Variants in BCL7C observed in about 807,000 individuals in gnomAD.
BCL7C encodes BAF chromatin remodeling complex subunit BCL7C, also known as B-cell CLL/lymphoma 7 protein family member C.
A neutral mutation model predicts 26.2 loss-of-function variants in BCL7C; 8 were observed. The observed-to-expected ratio is 0.30, with a 90% CI of 0.18 to 0.55. BCL7C has a LOEUF of 0.55. Among genes scored for constraint, BCL7C ranks in the 20% least tolerant of loss-of-function variants. The pLI is 0.93. For missense variants in BCL7C, 262 were observed against 298.5 expected (o/e 0.88, Z 0.90); for synonymous variants, 90 against 116.5 (o/e 0.77, Z 1.47).
chr16:30,872,467 C>A (rs992229972), intron 5 of BCL7C, among the ~76,000 whole-genome samples: 1 of 152,208 alleles, frequency 6.6e-6, no homozygotes, highest in Non-Finnish European at 1.5e-5. Flanking sequence ...ACCACCAGCA[C>A]GCACGTTCAC....
At chr16:30,847,817 C>CA (rs955710267) in intron 5 of BCL7C, among the ~76,000 whole-genome samples, 10 of 151,214 alleles carry the variant, frequency 6.6e-5, no homozygotes, top group African/African-American at 9.7e-5. Context: ...AAAACAAAAA[C>CA]AAAAAAAATC....
chr16:30,835,511 G>GAT (rs2054563909), intron 5 of BCL7C, among the ~76,000 whole-genome samples: 2 of 152,116 alleles, frequency 1.3e-5, no homozygotes, highest in South Asian at 4.1e-4. Flanking sequence ...GGCCATCAGG[G>GAT]ATATGTTCAA....
intron 5 of BCL7C, among the ~76,000 whole-genome samples, chr16:30,848,954 G>C (rs565068825): frequency 1.3e-5 from 2 of 150,570 alleles, no homozygotes; most frequent in East Asian, 3.9e-4. Flanking sequence ...TTGAGAGGCC[G>C]AGGCGGGTGG....
At chr16:30,889,426 G>C (rs996250980) in intron 4 of BCL7C, among the ~76,000 whole-genome samples, 2 of 152,138 alleles carry the variant, frequency 1.3e-5, no homozygotes, top group Non-Finnish European at 2.9e-5. Flanking sequence ...GTATACAACT[G>C]CTTGGCACTG....
intron 5 of BCL7C, among the ~76,000 whole-genome samples, chr16:30,846,236 ATTTT>A (rs1469281561): frequency 6.3e-5 from 9 of 143,988 alleles, no homozygotes; most frequent in African/African-American, 2.3e-4. Flanking sequence ...TTATTTATTT[ATTTT>A]TTGGAGATGG....
intron 5 of BCL7C, among the ~76,000 whole-genome samples, chr16:30,856,729 C>T (rs1456664185): frequency 1.3e-5 from 2 of 152,150 alleles, no homozygotes; most frequent in African/African-American, 2.4e-5. Flanking sequence ...TCTCAGTGTT[C>T]CAAAGACAGT....
At chr16:30,849,760 CT>C (rs57218612) in intron 5 of BCL7C, among the ~76,000 whole-genome samples, 133,832 of 141,622 alleles carry the variant, frequency 0.94, 63,462 homozygotes, top group South Asian at 0.99. Flanking sequence ...CTCCTTTTTT[CT>C]TTTTTTTTTT....
At chr16:30,865,029 G>C (rs948183966) in intron 5 of BCL7C, among the ~76,000 whole-genome samples, 3 of 151,612 alleles carry the variant, frequency 2.0e-5, no homozygotes, top group African/African-American at 7.3e-5. Context: ...TTAGCCAGGC[G>C]TGGTGGCAGG....
intron 4 of BCL7C, among the ~76,000 whole-genome samples, chr16:30,891,502 T>G (rs1166640314): frequency 6.6e-6 from 1 of 152,162 alleles, no homozygotes; most frequent in Non-Finnish European, 1.5e-5. Context: ...CCACGTAAAG[T>G]GTTTACCAGG....
chr16:30,869,988 C>T (rs1385975271), intron 5 of BCL7C, among the ~76,000 whole-genome samples: 1 of 152,212 alleles, frequency 6.6e-6, no homozygotes, highest in Non-Finnish European at 1.5e-5. Context: ...GGCTAAAAGC[C>T]TAGAATCCAT....
At chr16:30,861,134 A>G (rs1342857641) in intron 5 of BCL7C, among the ~76,000 whole-genome samples, 1 of 152,112 alleles carries the variant, frequency 6.6e-6, no homozygotes, top group African/African-American at 2.4e-5. Flanking sequence ...AGCCCAGTCC[A>G]TGGCCCGTTT....
intron 5 of BCL7C, among the ~76,000 whole-genome samples, chr16:30,862,213 C>A (rs2151372916): frequency 6.6e-6 from 1 of 152,230 alleles, no homozygotes; most frequent in Admixed American, 6.5e-5. Flanking sequence ...GACATTTTAA[C>A]CAAATTATTT....
At chr16:30,852,579 C>T (rs1022894854) in intron 5 of BCL7C, among the ~76,000 whole-genome samples, 1 of 150,640 alleles carries the variant, frequency 6.6e-6, no homozygotes, top group Admixed American at 6.6e-5. Flanking sequence ...GCAACCTCTG[C>T]CTCCCGGGTT....
At chr16:30,876,234 G>A (rs574580997) in intron 5 of BCL7C, 1 of 152,374 alleles carries the variant, frequency 6.6e-6, no homozygotes, top group South Asian at 2.1e-4. Flanking sequence ...TAATGGGGGG[G>A]ATTATGCCAC....
chr16:30,863,390 T>A (rs1224933349), intron 5 of BCL7C, among the ~76,000 whole-genome samples: 1 of 152,182 alleles, frequency 6.6e-6, no homozygotes, highest in Non-Finnish European at 1.5e-5. Flanking sequence ...GCCTTCCATA[T>A]CCTGCACCAC....
chr16:30,888,953 G>T lies in BCL7C; in HGVS notation c.443-8C>A. ...CAGTTATGCCCCCGGGATCTGGAAC[G>T]TCAAGGTAACAAACATCCCCTGAAC... is the stretch of plus-strand genomic sequence containing the variant. On this transcript the variant is annotated splice_polypyrimidine_tract_variant and splice_region_variant and intron_variant, in intron 4 of 5. Transcript: ENST00000215115. 1 of 1,613,592 alleles carries T rather than the reference G, an allele frequency of 6.2e-7. No homozygotes were observed. Among genetic ancestry groups the T allele is most frequent in the Non-Finnish European group, 8.5e-7 (1 of 1,179,630 alleles).
intron 5 of BCL7C, among the ~76,000 whole-genome samples, chr16:30,844,043 A>G (rs1468509675): frequency 3.1e-5 from 2 of 63,584 alleles, no homozygotes; most frequent in African/African-American, 1.2e-4. Flanking sequence ...CTCTGCCTCA[A>G]AAAAAAAAAA....
chr16:30,892,626 G>A lies in BCL7C; in HGVS notation c.402C>T (p.Val134=), dbSNP rs80190438. Residue 134 remains valine, a synonymous_variant, in exon 4 of 6, where the codon GTC becomes GTT. Coordinates refer to ENST00000215115, the MANE Select transcript of BCL7C (RefSeq NM_004765.4). The stretch of plus-strand genomic sequence containing the variant: ...GCCGTGGGGGCTGAGCCTCCTCAGG[G>A]ACCCCTTCTGGGGGTCCGGCAGGTG... ...PVSPAGPPEG[V]PEEAQPPRLG... is the part of the protein sequence containing the mutation. 1 of 1,605,442 alleles carries A rather than the reference G, an allele frequency of 6.2e-7. No homozygotes were observed. Among genetic ancestry groups the A allele is most frequent in the African/African-American group, 1.3e-5 (1 of 74,586 alleles).
rs2143140968 is a variant in BCL7C at position 30,887,829 on chromosome 16, G to T, written c.*36C>A. 6.5e-7 allele frequency: 1 copy of T among 1,535,358 alleles called. No individual in the cohort carries two copies. Among genetic ancestry groups the T allele is most frequent in the East Asian group, 2.5e-5 (1 of 40,028 alleles). On this transcript the variant is annotated 3_prime_UTR_variant, in exon 6 of 6. Transcript: ENST00000215115. Reference sequence around the variant, plus strand: ...GGTCTTTATTTGTAAAAAGCCAAAGGGGCCCCTGGGGCAACAGGACAGGCA... The same window carrying T: ...GGTCTTTATTTGTAAAAAGCCAAAGTGGCCCCTGGGGCAACAGGACAGGCA...
Sources: gnomAD v4.1 joint callset for allele counts (sites outside exome capture counted in the v4.1 genomes callset) on GRCh38, gnomAD v4.1.1 for gene constraint, MANE v1.5 for transcripts, NCBI Gene and HGNC (gene_info 2026-07-23, HGNC 2026-07-21) for gene names.